The following CACNG2 variants were observed in gnomAD, a reference collection of about 807,000 sequenced individuals.
CACNG2 encodes the protein voltage-dependent calcium channel gamma-2 subunit.
In CACNG2, 3 loss-of-function variants were observed where a neutral mutation model predicts 25.9. That is an observed-to-expected ratio of 0.12 (90% confidence interval 0.05 to 0.30). The LOEUF (loss-of-function observed/expected upper bound fraction) is 0.30. Ranked by LOEUF, CACNG2 falls within the 10% of genes least tolerant of loss-of-function variation. The pLI, the probability that CACNG2 is intolerant of heterozygous loss-of-function variation, is 1.00. For synonymous variants in CACNG2, 167 were observed against 173.3 expected, an observed-to-expected ratio of 0.96 and a Z score of 0.29; for missense variants, 341 against 432.5, an observed-to-expected ratio of 0.79 and a Z score of 1.88.
At chr22:36,595,666 G>A (rs1238644656) in intron 1 of CACNG2, among the ~76,000 whole-genome samples, 3 of 152,192 alleles carry the variant, frequency 2.0e-5, no homozygotes, top group Non-Finnish European at 2.9e-5. Context: ...ACTGCCCGCT[G>A]TCCCCTCAGG....
chr22:36,697,670 G>T (rs1407556216), intron 1 of CACNG2, among the ~76,000 whole-genome samples: 1 of 152,190 alleles, frequency 6.6e-6, no homozygotes, highest in East Asian at 1.9e-4. Context: ...GGCTAGGAAT[G>T]CAAGGCCTGG....
intron 1 of CACNG2, among the ~76,000 whole-genome samples, chr22:36,687,500 GC>G (rs1398829655): frequency 6.6e-6 from 1 of 152,172 alleles, no homozygotes; most frequent in African/African-American, 2.4e-5. Flanking sequence ...AAGCTCTAAA[GC>G]CTTTTCCAGG....
Position 36,609,294 on chromosome 22 carries a change from G to A in CACNG2, c.212-21746C>T, listed in dbSNP as rs1935890362. Among the ~76,000 whole-genome samples, 3 of 143,364 alleles carry A rather than the reference G, an allele frequency of 2.1e-5. No individual in the cohort carries two copies. In the Admixed American group the frequency reaches 2.1e-4, roughly 10 times the overall value. The allele number at this position is 143,364 out of a possible 152,430, so 94.1% of individuals were successfully genotyped here. A position where few individuals can be genotyped will look rare whatever the true frequency, so the allele number is the denominator to read the frequency against. The stretch of plus-strand genomic sequence containing the variant: ...AGCACCCCCAGAGTGTGATCGGGCA[G>A]GAATCTGCCCCGCAGAGCATGATTG... On this transcript the variant is annotated intron_variant, in intron 1 of 3. Transcript: ENST00000300105.
intron 1 of CACNG2, among the ~76,000 whole-genome samples, chr22:36,623,275 C>T (rs917644073): frequency 1.3e-5 from 2 of 152,028 alleles, no homozygotes; most frequent in Non-Finnish European, 2.9e-5. Flanking sequence ...CCTGCCTCGG[C>T]CTCCCAAAGT....
rs542586701 is a variant in CACNG2 at position 36,561,577 on chromosome 22, G to A, written c.*2774C>T. The A allele has an allele frequency of 6.6e-6, 1 of 152,302 alleles. No individual in the cohort carries two copies. Among genetic ancestry groups the A allele is most frequent in the South Asian group, 2.1e-4 (1 of 4,828 alleles). The allele number at this position is 152,302 out of a possible 1,614,324, so 9.4% of individuals were successfully genotyped here. On this transcript the variant is annotated 3_prime_UTR_variant, in exon 4 of 4. Transcript: ENST00000300105. ...CAGGAAAGGCAGGTGAGATGTGCAA[G>A]CTCAAAAAGCCTTACTAGCCATTCT...
intron 1 of CACNG2, among the ~76,000 whole-genome samples, chr22:36,648,622 A>G (rs1036242837): frequency 2.0e-5 from 3 of 152,194 alleles, no homozygotes; most frequent in South Asian, 2.1e-4. Context: ...CCCCTGAGTG[A>G]ACATCCATTC....
chr22:36,611,424 G>A lies in CACNG2; in HGVS notation c.212-23876C>T, dbSNP rs568377603. The stretch of plus-strand genomic sequence containing the variant: ...AGGTGCAGACTCTTCAGAGGCAAAT[G>A]TTGGACAGGGGAACTGCCTTTAAGC... On this transcript the variant is annotated intron_variant, in intron 1 of 3. Transcript: ENST00000300105. Among the ~76,000 whole-genome samples the A allele has an allele frequency of 7.2e-5, 11 of 152,308 alleles. No homozygotes were observed. In the East Asian group the frequency reaches 1.9e-3, roughly 27 times the overall value.
intron 1 of CACNG2, among the ~76,000 whole-genome samples, chr22:36,625,426 G>T (rs1936170217): frequency 6.6e-6 from 1 of 152,148 alleles, no homozygotes. Flanking sequence ...GGAGGGCAGG[G>T]TCCTTCAGGG....
At chr22:36,568,279 A>G (rs958956803) in intron 2 of CACNG2, among the ~76,000 whole-genome samples, 1 of 152,148 alleles carries the variant, frequency 6.6e-6, no homozygotes, top group African/African-American at 2.4e-5. Context: ...CCAGGAGCGG[A>G]GCTTCCTCTT....
intron 1 of CACNG2, among the ~76,000 whole-genome samples, chr22:36,592,200 T>G: frequency 8.5e-6 from 1 of 117,546 alleles, no homozygotes; most frequent in Admixed American, 1.2e-4. Flanking sequence ...AACAGGGAAA[T>G]GAGGTCCTGA....
chr22:36,629,676 G>A (rs978791273), intron 1 of CACNG2, among the ~76,000 whole-genome samples: 3 of 152,058 alleles, frequency 2.0e-5, no homozygotes, highest in Non-Finnish European at 4.4e-5. Flanking sequence ...ACAGTCATTT[G>A]TTCATTCACT....
intron 1 of CACNG2, among the ~76,000 whole-genome samples, chr22:36,630,766 T>C (rs192724656): frequency 6.6e-6 from 1 of 152,288 alleles, no homozygotes; most frequent in East Asian, 1.9e-4. Flanking sequence ...GCTGTTGTCA[T>C]AGCCCAGGCA....
At chr22:36,669,055 A>G (rs766182724) in intron 1 of CACNG2, among the ~76,000 whole-genome samples, 4 of 152,100 alleles carry the variant, frequency 2.6e-5, no homozygotes, top group Non-Finnish European at 5.9e-5. Flanking sequence ...CCCAGAAATA[A>G]TGTTCTACCA....
rs963646203 is a variant in CACNG2, at chr22:36,579,101, T to C, written c.295+8364A>G. Reference sequence around the variant, plus strand: ...TCTCTCTTACTTCTCCCATCCAGGCTGTCAGTAAAAGCTGCCAGCTCGACT... The same window carrying C: ...TCTCTCTTACTTCTCCCATCCAGGCCGTCAGTAAAAGCTGCCAGCTCGACT... On this transcript the variant is annotated intron_variant, in intron 2 of 3. Coordinates refer to ENST00000300105, the MANE Select transcript of CACNG2 (RefSeq NM_006078.5). Among the ~76,000 whole-genome samples the C allele has an allele frequency of 4.6e-5, 7 of 152,258 alleles. 1 individual carries two copies. The highest frequency in any genetic ancestry group is 1.2e-4 in the African/African-American group (5 of 41,550).
intron 2 of CACNG2, among the ~76,000 whole-genome samples, chr22:36,572,320 A>G (rs1342600861): frequency 6.6e-6 from 1 of 152,120 alleles, no homozygotes; most frequent in African/African-American, 2.4e-5. Flanking sequence ...AAGACAGCAA[A>G]TATTTTCATC....
chr22:36,669,919 G>A (rs895758466), intron 1 of CACNG2, among the ~76,000 whole-genome samples: 7 of 152,068 alleles, frequency 4.6e-5, no homozygotes, highest in Non-Finnish European at 8.8e-5. Flanking sequence ...TGCCATGTTG[G>A]CCAGGCTGGT....
At chr22:36,568,310 C>A (rs919258009) in intron 2 of CACNG2, among the ~76,000 whole-genome samples, 1 of 152,004 alleles carries the variant, frequency 6.6e-6, no homozygotes, top group African/African-American at 2.4e-5. Flanking sequence ...CCGTCCCCAC[C>A]CTTTTGGGTG....
chr22:36,669,234 G>A (rs1172434310), intron 1 of CACNG2, among the ~76,000 whole-genome samples: 1 of 151,992 alleles, frequency 6.6e-6, no homozygotes, highest in African/African-American at 2.4e-5. Context: ...GGGCGTGGTG[G>A]CTCACTCCTG....
In CACNG2 at chr22:36,703,479, G is replaced by C. The variant is rs933121730; in HGVS notation, c.-903C>G. The C allele has an allele frequency of 2.0e-5, 3 of 152,362 alleles. No individual in the cohort carries two copies. The highest frequency in any genetic ancestry group is 4.8e-5 in the African/African-American group (2 of 41,402). 9.4% of individuals were successfully genotyped at this position (152,362 alleles called of 1,614,324 possible). ...TGGGCCGCGCGCCTGCCCCCCACTC[G>C]CTACCGGCTGGGCGCCCGCGGAGGC... On this transcript the variant is annotated 5_prime_UTR_variant, in exon 1 of 4. Coordinates refer to ENST00000300105, the MANE Select transcript of CACNG2 (RefSeq NM_006078.5).
Sources: gnomAD v4.1 joint callset for allele counts (sites outside exome capture counted in the v4.1 genomes callset) on GRCh38, gnomAD v4.1.1 for gene constraint, MANE v1.5 for transcripts, NCBI Gene and HGNC (gene_info 2026-07-23, HGNC 2026-07-21) for gene names.